Variants in LRFN2 observed in about 807,000 individuals in gnomAD.
The protein encoded by LRFN2 is leucine rich repeat and fibronectin type III domain containing 2.
Under a neutral mutation model 37.3 loss-of-function variants are expected in LRFN2, and 18 were observed. The ratio of observed to expected loss-of-function variants is 0.48; its 90% confidence interval spans 0.33 to 0.72. The LOEUF is 0.72. LRFN2 is among the 30% of genes least tolerant of loss of function. The pLI, the probability that LRFN2 is intolerant of heterozygous loss-of-function variation, is 0.02. For missense variants in LRFN2, 1,006 were observed against 1,060.7 expected (o/e 0.95, Z 0.72); for synonymous variants, 556 against 466.6 (o/e 1.19, Z -2.47).
intron 2 of LRFN2, among the ~76,000 whole-genome samples, chr6:40,406,501 T>C (rs1049254755): frequency 1.3e-5 from 2 of 152,176 alleles, no homozygotes; most frequent in African/African-American, 4.8e-5. Flanking sequence ...GCCCTCACCA[T>C]GCACAGATCC....
At chr6:40,423,143 C>T (rs1235479981) in intron 2 of LRFN2, among the ~76,000 whole-genome samples, 2 of 152,176 alleles carry the variant, frequency 1.3e-5, no homozygotes, top group Non-Finnish European at 2.9e-5. Context: ...ATGCACAAAC[C>T]TCCTGTGGGT....
At chr6:40,480,206 C>T (rs1005437774) in intron 1 of LRFN2, among the ~76,000 whole-genome samples, 2 of 152,204 alleles carry the variant, frequency 1.3e-5, no homozygotes, top group East Asian at 1.9e-4. Flanking sequence ...ATTTACATGG[C>T]TAGATATTGA....
intron 1 of LRFN2, among the ~76,000 whole-genome samples, chr6:40,579,928 T>C (rs181214775): frequency 0.026 from 4,029 of 152,220 alleles, 90 homozygotes; most frequent in Admixed American, 0.039. Flanking sequence ...TGGGTGAAGA[T>C]GGATGGGATT....
chr6:40,426,109 C>A (rs138139381), intron 2 of LRFN2, among the ~76,000 whole-genome samples: 406 of 152,306 alleles, frequency 2.7e-3, no homozygotes, highest in African/African-American at 9.3e-3. Flanking sequence ...TGCACCTTAA[C>A]TCCAGGAGGC....
chr6:40,537,328 G>C (rs926044834), intron 1 of LRFN2, among the ~76,000 whole-genome samples: 2 of 152,178 alleles, frequency 1.3e-5, no homozygotes, highest in Admixed American at 6.5e-5. Context: ...TCTTCCAGTA[G>C]AAACATTTCC....
chr6:40,397,257 T>A (rs1727172011), intron 2 of LRFN2, among the ~76,000 whole-genome samples: 1 of 152,182 alleles, frequency 6.6e-6, no homozygotes, highest in South Asian at 2.1e-4. Context: ...CCTTCACTCC[T>A]GCTCACAACC....
intron 1 of LRFN2, among the ~76,000 whole-genome samples, chr6:40,555,827 C>T (rs930498211): frequency 2.6e-4 from 40 of 152,116 alleles, no homozygotes; most frequent in African/African-American, 7.0e-4. Flanking sequence ...AAATCCCCAC[C>T]AATGGCCACC....
At chr6:40,428,682 T>C (rs1036167920) in intron 2 of LRFN2, among the ~76,000 whole-genome samples, 1 of 152,226 alleles carries the variant, frequency 6.6e-6, no homozygotes, top group Non-Finnish European at 1.5e-5. Context: ...TTTAATTCTC[T>C]TGGTCTTTTA....
In LRFN2 at chr6:40,546,116, G is replaced by A. The variant is rs573305251; in HGVS notation, c.-19+40825C>T. ...TGCCTGGCTGTTTTTGAGGATCACAGCTTGGCTGGGCAAAACGGGCTGAGA... is the reference window on the plus strand; with the variant it reads ...TGCCTGGCTGTTTTTGAGGATCACAACTTGGCTGGGCAAAACGGGCTGAGA... On this transcript the variant is annotated intron_variant, in intron 1 of 2. Transcript: ENST00000338305. 4.6e-5 allele frequency among the ~76,000 whole-genome samples: 7 copies of A among 152,170 alleles called. No homozygotes were observed. The South Asian group carries it at 1.2e-3, about 27-fold the overall frequency.
chr6:40,409,322 G>C (rs985581), intron 2 of LRFN2, among the ~76,000 whole-genome samples: 1 of 152,094 alleles, frequency 6.6e-6, no homozygotes, highest in East Asian at 1.9e-4. Context: ...TTTACTGACT[G>C]TGCCATGCCT....
At chr6:40,415,646 AGCTACTGAATC>A (rs1385292155) in intron 2 of LRFN2, among the ~76,000 whole-genome samples, 1 of 152,206 alleles carries the variant, frequency 6.6e-6, no homozygotes, top group Non-Finnish European at 1.5e-5. Context: ...TCACAGCTGT[AGCTACTGAATC>A]GGTGAAGACC....
chr6:40,399,403 T>C (rs1175046978), intron 2 of LRFN2, among the ~76,000 whole-genome samples: 1 of 150,674 alleles, frequency 6.6e-6, no homozygotes, highest in Non-Finnish European at 1.5e-5. Flanking sequence ...AACCCTGTAC[T>C]GAATTCTCTT....
chr6:40,391,737 T>C lies in LRFN2; in HGVS notation c.*206A>G. 1 of 461,716 alleles carries C rather than the reference T, an allele frequency of 2.2e-6. No individual in the cohort carries two copies. The allele number at this position is 461,716 out of a possible 1,614,324, so 28.6% of individuals were successfully genotyped here. A position where few individuals can be genotyped will look rare whatever the true frequency, so the allele number is the denominator to read the frequency against. ...GGGCTCAGTCCGGCATTTGAGCGAGTCCACATTCCCTGAGCACACCCCGGC... is the reference window on the plus strand; with the variant it reads ...GGGCTCAGTCCGGCATTTGAGCGAGCCCACATTCCCTGAGCACACCCCGGC... On this transcript the variant is annotated 3_prime_UTR_variant, in exon 3 of 3. Coordinates refer to ENST00000338305, the MANE Select transcript of LRFN2 (RefSeq NM_020737.3).
intron 1 of LRFN2, among the ~76,000 whole-genome samples, chr6:40,538,587 C>T (rs1766495510): frequency 1.3e-5 from 2 of 152,254 alleles, no homozygotes; most frequent in South Asian, 4.1e-4. Context: ...CATCAGAAAA[C>T]CCCAACCACC....
chr6:40,478,227 T>C (rs1764750310), intron 1 of LRFN2, among the ~76,000 whole-genome samples: 1 of 152,208 alleles, frequency 6.6e-6, no homozygotes, highest in Admixed American at 6.5e-5. Context: ...TCTGAGCCCA[T>C]ACTCTGTGCT....
chr6:40,438,946 A>C (rs1485780542), intron 1 of LRFN2, among the ~76,000 whole-genome samples: 12 of 152,204 alleles, frequency 7.9e-5, no homozygotes, highest in Admixed American at 7.9e-4. Flanking sequence ...CAAAAGGGAA[A>C]AACAAAGATG....
intron 1 of LRFN2, among the ~76,000 whole-genome samples, chr6:40,470,284 TG>T (rs1246980883): frequency 6.6e-6 from 1 of 151,982 alleles, no homozygotes; most frequent in Non-Finnish European, 1.5e-5. Flanking sequence ...CACAGAGAAA[TG>T]GAGCCAAGTG....
intron 1 of LRFN2, among the ~76,000 whole-genome samples, chr6:40,471,752 G>A (rs1764599961): frequency 6.6e-6 from 1 of 152,178 alleles, no homozygotes; most frequent in Non-Finnish European, 1.5e-5. Context: ...AGACCAGCCA[G>A]GAAGGATTTC....
chr6:40,430,082 T>C (rs149832121), intron 2 of LRFN2, among the ~76,000 whole-genome samples: 136 of 152,330 alleles, frequency 8.9e-4, no homozygotes, highest in African/African-American at 3.0e-3. Context: ...AATACATATA[T>C]GCATATTTAA....
Sources: gnomAD v4.1 joint callset for allele counts (sites outside exome capture counted in the v4.1 genomes callset) on GRCh38, gnomAD v4.1.1 for gene constraint, MANE v1.5 for transcripts, NCBI Gene and HGNC (gene_info 2026-07-23, HGNC 2026-07-21) for gene names.